TMEM71: variants seen among roughly 807,000 people sequenced by gnomAD.
TMEM71 encodes transmembrane protein 71.
Under a neutral mutation model 38.0 loss-of-function variants are expected in TMEM71, and 44 were observed. The ratio of observed to expected loss-of-function variants is 1.16; its 90% CI spans 0.91 to 1.49. The LOEUF is 1.49. Ranked by LOEUF, TMEM71 falls within the 40% of genes most tolerant of loss-of-function variation. TMEM71 has a pLI of 0.00. For missense variants in TMEM71, 367 were observed against 348.6 expected (o/e 1.05, Z -0.42); for synonymous variants, 133 against 122.5 (o/e 1.09, Z -0.56).
the TMEM71 span, chr8:132,775,762 A>T: frequency 7.9e-6 from 2 of 253,148 alleles, no homozygotes; most frequent in African/African-American, 2.3e-5. Context: ...CCCTCCCCGT[A>T]ACTCGCCGGC....
the TMEM71 span, among the ~76,000 whole-genome samples, chr8:132,770,507 G>A: frequency 3.3e-5 from 5 of 152,172 alleles, no homozygotes; most frequent in Admixed American, 2.0e-4. Flanking sequence ...CTCAGCCAGT[G>A]AGAGAAAGAC....
the TMEM71 span, among the ~76,000 whole-genome samples, chr8:132,771,431 G>C: frequency 2.0e-5 from 3 of 152,152 alleles, no homozygotes; most frequent in East Asian, 5.8e-4. Flanking sequence ...ATGACCCTTA[G>C]TAGCAGAGAC....
chr8:132,717,527 A>C (rs577298879), intron 7 of TMEM71, among the ~76,000 whole-genome samples: 1 of 152,340 alleles, frequency 6.6e-6, no homozygotes, highest in Admixed American at 6.5e-5. Flanking sequence ...AATGCAAATC[A>C]AAACCACAGT....
At chr8:132,766,539 C>T in the TMEM71 span, among the ~76,000 whole-genome samples, 43,335 of 152,022 alleles carry the variant, frequency 0.29, 6,633 homozygotes, top group South Asian at 0.45. Flanking sequence ...GTGGCTTATG[C>T]CTACAATCCC....
chr8:132,715,867 G>A (rs1225096589), intron 7 of TMEM71, among the ~76,000 whole-genome samples: 4 of 152,216 alleles, frequency 2.6e-5, no homozygotes, highest in African/African-American at 9.6e-5. Context: ...AATATTCCGT[G>A]AGAGAAATAA....
chr8:132,775,004 C>T, the TMEM71 span, among the ~76,000 whole-genome samples: 1 of 152,212 alleles, frequency 6.6e-6, no homozygotes, highest in Non-Finnish European at 1.5e-5. Flanking sequence ...AGTAACCATG[C>T]TCTATTCTTG....
intron 5 of TMEM71, among the ~76,000 whole-genome samples, chr8:132,740,244 A>G (rs1021949332): frequency 6.6e-6 from 1 of 152,082 alleles, no homozygotes; most frequent in Non-Finnish European, 1.5e-5. Flanking sequence ...GAACTTGTAC[A>G]CCAGCATTTC....
intron 7 of TMEM71, among the ~76,000 whole-genome samples, chr8:132,715,373 G>A (rs1473947187): frequency 8.0e-6 from 1 of 124,414 alleles, no homozygotes; most frequent in Non-Finnish European, 1.6e-5. Flanking sequence ...TCACGCCACT[G>A]CACTCCAGCC....
chr8:132,722,093 G>GA lies in TMEM71; in HGVS notation c.698dup (p.Phe234LeufsTer67). ...CAGCAAGCAGGATTGCCTGAAAGAAGACCTCTTGCAACAACCTGGTTTCTA... is the reference window on the plus strand; with the variant it reads ...CAGCAAGCAGGATTGCCTGAAAGAAGAACCTCTTGCAACAACCTGGTTTCTA... On this transcript the variant is annotated frameshift_variant, in exon 7 of 10. Transcript: ENST00000677595. LOFTEE classifies it high-confidence loss of function. 6.2e-7 allele frequency: 1 copy of GA among 1,613,454 alleles called. No homozygotes were observed. The highest frequency in any genetic ancestry group is 8.5e-7 in the Non-Finnish European group (1 of 1,179,762).
At chr8:132,715,435 A>AAAAAAAAAAAAAAAAAAAAAGAAT (rs1826470700) in intron 7 of TMEM71, among the ~76,000 whole-genome samples, 1 of 150,094 alleles carries the variant, frequency 6.7e-6, no homozygotes, top group East Asian at 1.9e-4. Context: ...AAAAAAAAAA[A>AAAAAAAAAAAAAAAAAAAAAGAAT]GAATGAAAAG....
At chr8:132,739,672 T>G (rs1171431827) in intron 5 of TMEM71, among the ~76,000 whole-genome samples, 1 of 152,198 alleles carries the variant, frequency 6.6e-6, no homozygotes. Context: ...GAACTTCAGT[T>G]TTATCATAAT....
chr8:132,771,680 G>A, the TMEM71 span, among the ~76,000 whole-genome samples: 4 of 151,758 alleles, frequency 2.6e-5, no homozygotes, highest in Admixed American at 2.6e-4. Flanking sequence ...TATGTTTAAA[G>A]TAATCTGGAA....
upstream of TMEM71, chr8:132,760,650 A>C (rs1019249339): frequency 2.6e-5 from 4 of 152,246 alleles, no homozygotes; most frequent in African/African-American, 4.8e-5. Flanking sequence ...CTGCGTAACC[A>C]GAGGCAAAGA....
In TMEM71 at chr8:132,717,762, G is replaced by T. The variant is rs894333476; in HGVS notation, c.753-3547C>A. On this transcript the variant is annotated intron_variant, in intron 7 of 9. Transcript: ENST00000677595. ...TCCTAGATATTTAACCAAGAAAAAT[G>T]AAACTGTATGTCCATACAAAACTTG... Among the ~76,000 whole-genome samples, 87 of 152,260 alleles carry T rather than the reference G, an allele frequency of 5.7e-4. 1 individual carries two copies. Among genetic ancestry groups the T allele is most frequent in the Admixed American group, 4.7e-3 (72 of 15,294 alleles).
At chr8:132,742,520 T>A (rs1828101386) in intron 5 of TMEM71, among the ~76,000 whole-genome samples, 1 of 152,250 alleles carries the variant, frequency 6.6e-6, no homozygotes. Flanking sequence ...AAATCTCTCA[T>A]GCTGTTTCAG....
chr8:132,744,204 T>C (rs1484919799), intron 5 of TMEM71, among the ~76,000 whole-genome samples: 1 of 152,146 alleles, frequency 6.6e-6, no homozygotes, highest in Non-Finnish European at 1.5e-5. Flanking sequence ...ATGGTAAGTG[T>C]CCAATAAATA....
At chr8:132,724,094 A>G (rs909269775) in intron 6 of TMEM71, among the ~76,000 whole-genome samples, 1 of 152,220 alleles carries the variant, frequency 6.6e-6, no homozygotes, top group Non-Finnish European at 1.5e-5. Context: ...AAAGGAGAAC[A>G]AAGATCACAT....
At chr8:132,748,656 A>C (rs978012716) in intron 4 of TMEM71, among the ~76,000 whole-genome samples, 4 of 152,246 alleles carry the variant, frequency 2.6e-5, no homozygotes, top group Admixed American at 2.0e-4. Context: ...AAAAGGAATT[A>C]GTAATTTTTA....
chr8:132,775,850 C>A, the TMEM71 span, among the ~76,000 whole-genome samples: 2 of 152,160 alleles, frequency 1.3e-5, no homozygotes, highest in South Asian at 4.1e-4. Context: ...GCTGTCAAAC[C>A]TGGAGGCTTC....
Sources: allele counts gnomAD v4.1 joint callset (sites outside exome capture counted in the v4.1 genomes callset), GRCh38; gene constraint gnomAD v4.1.1; transcripts MANE v1.5; gene names NCBI Gene and HGNC (gene_info 2026-07-23, HGNC 2026-07-21).